The following KAZN variants were observed in gnomAD, a reference collection of about 807,000 sequenced individuals.
KAZN encodes the protein kazrin.
A neutral mutation model predicts 87.4 loss-of-function variants in KAZN; 40 were observed. That is an observed-to-expected ratio of 0.46 (90% CI 0.36 to 0.60). The LOEUF (loss-of-function observed/expected upper bound fraction) is 0.60, where lower values mean the gene tolerates loss of function less well. KAZN is among the 20% of genes least tolerant of loss of function. The pLI, the probability that KAZN is intolerant of heterozygous loss-of-function variation, is 0.00. For synonymous variants in KAZN, 466 were observed against 458.3 expected (o/e 1.02, Z -0.22); for missense variants, 898 against 1,073.9 (o/e 0.84, Z 2.29).
intron 1 of KAZN, among the ~76,000 whole-genome samples, chr1:14,791,669 G>A (rs901397141): frequency 1.3e-5 from 2 of 152,224 alleles, no homozygotes; most frequent in African/African-American, 4.8e-5. Context: ...AGTGAGCTTA[G>A]TCCCCAGGGG....
At chr1:13,956,177 T>G (rs1641538305) in intron 1 of KAZN, among the ~76,000 whole-genome samples, 1 of 152,258 alleles carries the variant, frequency 6.6e-6, no homozygotes, top group African/African-American at 2.4e-5. Context: ...ATTCCCTTGC[T>G]GGCATTCCCT....
intron 2 of KAZN, among the ~76,000 whole-genome samples, chr1:14,504,176 G>GACAATT (rs2148433312): frequency 1.3e-5 from 2 of 152,290 alleles, no homozygotes; most frequent in East Asian, 3.9e-4. Flanking sequence ...GTTTGTAGCT[G>GACAATT]ACAATTACCT....
At chr1:14,998,281 A>G (rs1342039386) in intron 2 of KAZN, among the ~76,000 whole-genome samples, 1 of 152,190 alleles carries the variant, frequency 6.6e-6, no homozygotes, top group Non-Finnish European at 1.5e-5. Flanking sequence ...CCGCTGCAAT[A>G]TGGGAGCCTG....
At chr1:13,894,901 G>A (rs767283718) in intron 1 of KAZN, among the ~76,000 whole-genome samples, 14 of 152,330 alleles carry the variant, frequency 9.2e-5, no homozygotes, top group South Asian at 2.1e-4. Flanking sequence ...GAGGCAGCTC[G>A]TGGAGTGGGT....
chr1:15,032,093 C>T (rs954464087), intron 2 of KAZN, among the ~76,000 whole-genome samples: 4 of 152,040 alleles, frequency 2.6e-5, no homozygotes, highest in African/African-American at 7.2e-5. Context: ...GCTACCACCC[C>T]TCCCTCCCCG....
intron 2 of KAZN, among the ~76,000 whole-genome samples, chr1:15,016,165 CA>C (rs961681562): frequency 2.3e-4 from 35 of 152,288 alleles, no homozygotes; most frequent in South Asian, 2.1e-4. Context: ...CAGGGTGACA[CA>C]TCTACAGGCC....
chr1:14,087,178 T>C (rs1643877526), intron 1 of KAZN, among the ~76,000 whole-genome samples: 1 of 152,188 alleles, frequency 6.6e-6, no homozygotes, highest in Non-Finnish European at 1.5e-5. Flanking sequence ...CTCAGAAATG[T>C]TCTTCGTGTA....
intron 2 of KAZN, among the ~76,000 whole-genome samples, chr1:15,029,207 G>A (rs1671444977): frequency 6.6e-6 from 1 of 152,152 alleles, no homozygotes; most frequent in South Asian, 2.1e-4. Context: ...TGAGGAGGAG[G>A]GTGGATGGTG....
At chr1:14,515,650 G>T (rs755928367) in intron 2 of KAZN, among the ~76,000 whole-genome samples, 13 of 152,096 alleles carry the variant, frequency 8.5e-5, no homozygotes, top group Non-Finnish European at 1.8e-4. Context: ...TGCCTTAGGG[G>T]CTTTCCCTGG....
intron 2 of KAZN, among the ~76,000 whole-genome samples, chr1:14,393,118 G>A (rs1662597520): frequency 6.6e-6 from 1 of 152,152 alleles, no homozygotes; most frequent in Non-Finnish European, 1.5e-5. Flanking sequence ...CCATCTCTCT[G>A]AGTTCTTTTC....
At chr1:14,868,024 G>GGCATGGCATCGCATA (rs1553148245) in intron 1 of KAZN, among the ~76,000 whole-genome samples, 18 of 73,148 alleles carry the variant, frequency 2.5e-4, no homozygotes, top group African/African-American at 6.4e-4. Flanking sequence ...GCATCACACA[G>GGCATGGCATCGCATA]GCATGGCATC....
chr1:14,287,697 C>A (rs2100735865), intron 2 of KAZN, among the ~76,000 whole-genome samples: 1 of 152,302 alleles, frequency 6.6e-6, no homozygotes, highest in Non-Finnish European at 1.5e-5. Context: ...ATTGCCCTGG[C>A]CAGAACTTCC....
chr1:14,740,986 A>T (rs1019164158), intron 1 of KAZN, among the ~76,000 whole-genome samples: 1 of 152,110 alleles, frequency 6.6e-6, no homozygotes, highest in African/African-American at 2.4e-5. Context: ...GGGGAGTGGG[A>T]AGGAGCTCTG....
At chr1:14,785,035 A>T (rs1645468243) in intron 1 of KAZN, among the ~76,000 whole-genome samples, 2 of 150,642 alleles carry the variant, frequency 1.3e-5, no homozygotes, top group African/African-American at 4.9e-5. Context: ...AGAGATTAAG[A>T]TGTAAGCACG....
intron 1 of KAZN, among the ~76,000 whole-genome samples, chr1:14,046,369 A>C (rs1033011633): frequency 6.6e-6 from 1 of 151,892 alleles, no homozygotes; most frequent in Non-Finnish European, 1.5e-5. Context: ...ATATCTGTTC[A>C]AAATTTAGGC....
intron 2 of KAZN, among the ~76,000 whole-genome samples, chr1:14,995,927 T>C (rs904858352): frequency 2.0e-5 from 3 of 152,154 alleles, no homozygotes; most frequent in Non-Finnish European, 2.9e-5. Flanking sequence ...TTGGAAACTT[T>C]TACAGTGTGG....
intron 1 of KAZN, among the ~76,000 whole-genome samples, chr1:14,103,310 C>T (rs925892377): frequency 3.3e-5 from 5 of 152,124 alleles, no homozygotes; most frequent in African/African-American, 2.4e-5. Flanking sequence ...ATACATATCT[C>T]GAAATACAGT....
chr1:14,203,975 G>T (rs1422062505), intron 2 of KAZN, among the ~76,000 whole-genome samples: 2 of 152,192 alleles, frequency 1.3e-5, no homozygotes, highest in African/African-American at 4.8e-5. Context: ...ATTCATCAGT[G>T]TTCTCCAGAG....
In KAZN at chr1:15,056,369, T is replaced by G; in HGVS notation, c.916+89T>G. On this transcript the variant is annotated intron_variant, in intron 5 of 14. Coordinates refer to ENST00000376030, the MANE Select transcript of KAZN (RefSeq NM_201628.3). The surrounding 1 kb of genome is among the most constrained non-coding windows in gnomAD (Gnocchi z 5.4). ...CCAGTGGGAGAGGCAGCTGCTTTGTTCGTACTACAGCAGCTTGGGGGCGTG... is the reference window on the plus strand; with the variant it reads ...CCAGTGGGAGAGGCAGCTGCTTTGTGCGTACTACAGCAGCTTGGGGGCGTG... 7.4e-7 allele frequency: 1 copy of G among 1,348,230 alleles called. No individual in the cohort carries two copies. Among genetic ancestry groups the G allele is most frequent in the South Asian group, 1.4e-5 (1 of 71,568 alleles). 83.5% of individuals were successfully genotyped at this position (1,348,230 alleles called of 1,614,324 possible). A position where few individuals can be genotyped will look rare whatever the true frequency, so the allele number is the denominator to read the frequency against.
Sources: gnomAD v4.1 joint callset for allele counts (sites outside exome capture counted in the v4.1 genomes callset) on GRCh38, gnomAD v4.1.1 for gene constraint, Gnocchi (gnomAD v3.1) non-coding constraint, MANE v1.5 for transcripts, NCBI Gene and HGNC (gene_info 2026-07-23, HGNC 2026-07-21) for gene names.